Variants in CUL5 observed in about 807,000 individuals in gnomAD.
The protein encoded by CUL5 is cullin 5, also known as cullin-5.
A neutral mutation model predicts 108.8 loss-of-function variants in CUL5; 26 were observed. That is an observed-to-expected ratio of 0.24 (90% CI 0.18 to 0.33). The LOEUF (loss-of-function observed/expected upper bound fraction) is 0.33, where lower values mean the gene tolerates loss of function less well. Among genes scored for constraint, CUL5 ranks in the 10% least tolerant of loss-of-function variants. CUL5 has a pLI of 1.00. For synonymous variants in CUL5, 334 were observed against 298.0 expected (o/e 1.12, Z -1.25); for missense variants, 524 against 909.2 (o/e 0.58, Z 5.45).
At chr11:108,047,794 C>T (rs888084009) in intron 3 of CUL5, among the ~76,000 whole-genome samples, 8 of 152,152 alleles carry the variant, frequency 5.3e-5, no homozygotes, top group Middle Eastern at 3.4e-3. Context: ...AAATGTACCA[C>T]GTTTTCTTTT....
chr11:108,081,579 T>C (rs1042971059), intron 11 of CUL5, among the ~76,000 whole-genome samples: 8 of 151,820 alleles, frequency 5.3e-5, no homozygotes, highest in Non-Finnish European at 1.0e-4. Context: ...GGTGAAACCC[T>C]GTCTCTACTA....
intron 18 of CUL5, among the ~76,000 whole-genome samples, chr11:108,103,000 T>G (rs1237620127): frequency 1.3e-5 from 2 of 152,146 alleles, no homozygotes; most frequent in Non-Finnish European, 2.9e-5. Flanking sequence ...TTCGCCATGT[T>G]GCCCAGGCTG....
At chr11:108,070,262 T>A in intron 8 of CUL5, 73 bp downstream of exon 8, 5 of 1,076,138 alleles carry the variant, frequency 4.6e-6, no homozygotes, top group Non-Finnish European at 7.1e-6. Context: ...CTTACTAAGT[T>A]GCTCTTAGTT....
intron 1 of CUL5, among the ~76,000 whole-genome samples, chr11:108,032,491 G>C (rs964304350): frequency 1.3e-5 from 2 of 152,176 alleles, no homozygotes; most frequent in Non-Finnish European, 2.9e-5. Flanking sequence ...CTGGGTGACA[G>C]AGCAAGACCC....
intron 7 of CUL5, 84 bp downstream of exon 7, chr11:108,055,039 A>G: frequency 2.1e-6 from 2 of 970,282 alleles, no homozygotes; most frequent in Middle Eastern, 3.1e-4. Context: ...CATAAATAAT[A>G]TTATTTAACA....
At chr11:108,086,493 G>C (rs1002646011) in intron 11 of CUL5, among the ~76,000 whole-genome samples, 1 of 152,168 alleles carries the variant, frequency 6.6e-6, no homozygotes, top group Admixed American at 6.5e-5. Flanking sequence ...AGATCACTTT[G>C]ATTGTTACAG....
chr11:108,042,885 C>G (rs541212705), intron 2 of CUL5, among the ~76,000 whole-genome samples: 1 of 135,878 alleles, frequency 7.4e-6, no homozygotes, highest in African/African-American at 2.5e-5. Context: ...GCCTTAGCCT[C>G]TTGAGTACCT....
intron 7 of CUL5, among the ~76,000 whole-genome samples, chr11:108,056,948 C>T (rs1194546918): frequency 6.6e-6 from 1 of 152,036 alleles, no homozygotes; most frequent in Non-Finnish European, 1.5e-5. Flanking sequence ...AAAAATAAGT[C>T]TTAGTGAGGG....
At chr11:108,087,983 A>C (rs923111597) in intron 11 of CUL5, among the ~76,000 whole-genome samples, 1 of 152,054 alleles carries the variant, frequency 6.6e-6, no homozygotes, top group Non-Finnish European at 1.5e-5. Context: ...CTAAAAAAAA[A>C]TTTGTATCAG....
Position 108,094,403 on chromosome 11 carries a change from C to A in CUL5, c.1456C>A (p.Pro486Thr). 6.3e-7 allele frequency: 1 copy of A among 1,580,208 alleles called. No individual in the cohort carries two copies. Among genetic ancestry groups the A allele is most frequent in the Non-Finnish European group, 8.6e-7 (1 of 1,165,358 alleles). Residue 486 changes from proline to threonine, a missense_variant, in exon 14 of 19, where the codon CCA becomes ACA. Physicochemically the swap from Pro to Thr is conservative, Grantham distance 38. Coordinates refer to ENST00000393094, the MANE Select transcript of CUL5 (RefSeq NM_003478.6). The stretch of plus-strand genomic sequence containing the variant: ...TTTATATTTATAGGAAGTTGGTATG[C>A]CAGCGGATTATGTAAACAAGCTTGC... ...MVEWLREVGMPADYVNKLARM... is the reference protein window; with the variant it reads ...MVEWLREVGMTADYVNKLARM...
rs763138366 is a variant in CUL5 at position 108,104,166 on chromosome 11, TTTTA to T, written c.2149-20_2149-17del. On this transcript the variant is annotated intron_variant, in intron 18 of 18. Transcript: ENST00000393094. ...AAAATAATTTCGTATATTAATGCGC[TTTTA>T]TTTTTATTTTTTCTTTTAGGAAGCT... is the stretch of plus-strand genomic sequence containing the variant. 7 of 1,476,002 alleles carry T rather than the reference TTTTA, an allele frequency of 4.7e-6. No individual in the cohort carries two copies. The highest frequency in any genetic ancestry group is 5.5e-6 in the Non-Finnish European group (6 of 1,087,394). 91.4% of individuals were successfully genotyped at this position (1,476,002 alleles called of 1,614,324 possible).
intron 11 of CUL5, among the ~76,000 whole-genome samples, chr11:108,087,694 G>T (rs1409835820): frequency 6.6e-6 from 1 of 152,176 alleles, no homozygotes; most frequent in African/African-American, 2.4e-5. Context: ...AGGTGCGGTG[G>T]CCCACGCGTA....
At chr11:108,076,914 T>C (rs1413313136) in intron 10 of CUL5, among the ~76,000 whole-genome samples, 1 of 152,232 alleles carries the variant, frequency 6.6e-6, no homozygotes, top group Non-Finnish European at 1.5e-5. Flanking sequence ...TTTGGAGAGA[T>C]GGTTGCAGAG....
chr11:108,042,012 C>T (rs1862930733), intron 2 of CUL5, among the ~76,000 whole-genome samples: 1 of 152,030 alleles, frequency 6.6e-6, no homozygotes, highest in Admixed American at 6.6e-5. Flanking sequence ...ATGATGGGGA[C>T]TATCATGGTA....
At chr11:108,042,364 G>T (rs923046949) in intron 2 of CUL5, among the ~76,000 whole-genome samples, 5 of 151,694 alleles carry the variant, frequency 3.3e-5, no homozygotes, top group Non-Finnish European at 7.4e-5. Context: ...GACAACAGGC[G>T]TGCCTCACCA....
At chr11:108,051,293 G>C (rs1156298925) in intron 4 of CUL5, among the ~76,000 whole-genome samples, 1 of 152,140 alleles carries the variant, frequency 6.6e-6, no homozygotes, top group Non-Finnish European at 1.5e-5. Context: ...CATTCTATTG[G>C]TTGTGGGAAG....
intron 2 of CUL5, among the ~76,000 whole-genome samples, chr11:108,044,019 A>G (rs188579727): frequency 2.2e-3 from 332 of 152,212 alleles, no homozygotes; most frequent in African/African-American, 7.4e-3. Context: ...GTGAAACTCC[A>G]TCTCTAAATA....
intron 4 of CUL5, among the ~76,000 whole-genome samples, chr11:108,051,283 C>T (rs1315294681): frequency 6.6e-6 from 1 of 151,764 alleles, no homozygotes; most frequent in Admixed American, 6.6e-5. Context: ...TTTTTTTGGC[C>T]ATTCTATTGG....
rs140725296 is a variant in CUL5 at position 108,080,953 on chromosome 11, ATTATTTATTTATTTATTTAT to A, written c.1178+2732_1178+2751del. On this transcript the variant is annotated intron_variant, in intron 11 of 18. Coordinates refer to ENST00000393094, the MANE Select transcript of CUL5 (RefSeq NM_003478.6). ...CATATTTAGATCATGAAGATTTATCATTATTTATTTATTTATTTATTTATTTATTTATTTATTTGAGAGTT... is the reference window on the plus strand; with the variant it reads ...CATATTTAGATCATGAAGATTTATCATTATTTATTTATTTATTTGAGAGTT... Among the ~76,000 whole-genome samples the A allele has an allele frequency of 2.9e-3, 426 of 148,832 alleles. 3 individuals are homozygous for A. The highest frequency in any genetic ancestry group is 9.7e-3 in the African/African-American group (393 of 40,382).
Sources: allele counts gnomAD v4.1 joint callset (sites outside exome capture counted in the v4.1 genomes callset), GRCh38; gene constraint gnomAD v4.1.1; transcripts MANE v1.5; gene names NCBI Gene and HGNC (gene_info 2026-07-23, HGNC 2026-07-21).